Variants in GKAP1 observed in about 807,000 individuals in gnomAD.
GKAP1 encodes the protein G kinase anchoring protein 1, also known as G kinase-anchoring protein 1.
In GKAP1, 31 loss-of-function variants were observed where a neutral mutation model predicts 56.7. The ratio of observed to expected loss-of-function variants is 0.55; its 90% CI spans 0.41 to 0.74. The LOEUF (loss-of-function observed/expected upper bound fraction) is 0.74, where lower values mean the gene tolerates loss of function less well. Ranked by LOEUF, GKAP1 falls within the 30% of genes least tolerant of loss-of-function variation. The probability of loss-of-function intolerance (pLI) is 0.00; values close to 1 mark genes in which losing one functional copy is unlikely to be tolerated. For synonymous variants in GKAP1, 151 were observed against 138.6 expected (o/e 1.09, Z -0.63); for missense variants, 364 against 402.3 (o/e 0.90, Z 0.82).
At chr9:83,752,175 G>A (rs566514274) in intron 9 of GKAP1, among the ~76,000 whole-genome samples, 5 of 152,298 alleles carry the variant, frequency 3.3e-5, no homozygotes, top group Non-Finnish European at 5.9e-5. Flanking sequence ...AGGCCAAGGC[G>A]AGCAGATCAC....
intron 8 of GKAP1, among the ~76,000 whole-genome samples, chr9:83,755,195 T>C (rs1943453712): frequency 6.6e-6 from 1 of 152,192 alleles, no homozygotes; most frequent in Admixed American, 6.5e-5. Flanking sequence ...ATGAAAAGTG[T>C]TCATTGTAGA....
intron 8 of GKAP1, among the ~76,000 whole-genome samples, chr9:83,763,961 T>C (rs1345648914): frequency 1.3e-5 from 2 of 152,170 alleles, no homozygotes; most frequent in East Asian, 3.8e-4. Flanking sequence ...TAAAGTTATA[T>C]ACCCAACTTT....
At chr9:83,774,669 C>T (rs140921561) in intron 7 of GKAP1, among the ~76,000 whole-genome samples, 8 of 140,106 alleles carry the variant, frequency 5.7e-5, no homozygotes, top group Admixed American at 2.2e-4. Context: ...AGCTTCGGCA[C>T]AGCAAAAGAA....
At position 83,748,371 on chromosome 9, in the gene GKAP1, G is replaced by C; in HGVS notation, c.842C>G (p.Ala281Gly). 6.5e-7 allele frequency: 1 copy of C among 1,537,506 alleles called. No homozygotes were observed. Among genetic ancestry groups the C allele is most frequent in the Non-Finnish European group, 8.8e-7 (1 of 1,132,590 alleles). Reference protein sequence around the residue: ...KLKNVITQWEAKYKEVKARNA... With the variant: ...KLKNVITQWEGKYKEVKARNA... ...TCTTGCCTTTACTTCCTTATACTTT[G>C]CCTAATAGTCAAAGAAAAAAGATTT... Residue 281 changes from alanine to glycine, a missense_variant and splice_region_variant, in exon 10 of 13, where the codon GCA becomes GGA. Physicochemically the swap from Ala to Gly is moderately conservative, Grantham distance 60. Coordinates refer to ENST00000376371, the MANE Select transcript of GKAP1 (RefSeq NM_025211.4).
At chr9:83,788,987 G>C (rs1389430018) in intron 4 of GKAP1, 1 of 192,874 alleles carries the variant, frequency 5.2e-6, no homozygotes, top group East Asian at 1.2e-4. Context: ...AGATGTCAAA[G>C]GCAACATTCA....
chr9:83,749,491 G>A (rs1943350952), intron 9 of GKAP1, among the ~76,000 whole-genome samples: 1 of 152,064 alleles, frequency 6.6e-6, no homozygotes, highest in Non-Finnish European at 1.5e-5. Context: ...CCTCCCCAAA[G>A]TGCTGGGATT....
chr9:83,789,675 C>T (rs2131299922), intron 4 of GKAP1, among the ~76,000 whole-genome samples: 1 of 152,264 alleles, frequency 6.6e-6, no homozygotes, highest in South Asian at 2.1e-4. Flanking sequence ...CACACAAACA[C>T]CCAAGCTATC....
At chr9:83,785,839 T>C (rs568180384) in intron 5 of GKAP1, among the ~76,000 whole-genome samples, 5 of 152,198 alleles carry the variant, frequency 3.3e-5, no homozygotes, top group Admixed American at 6.5e-5. Context: ...TTTCTGCCAA[T>C]GGATGTATAA....
At chr9:83,788,106 C>T (rs1474301772) in intron 5 of GKAP1, among the ~76,000 whole-genome samples, 1 of 152,000 alleles carries the variant, frequency 6.6e-6, no homozygotes, top group Non-Finnish European at 1.5e-5. Context: ...GGCGAAATCC[C>T]ATCTCTACTA....
rs183868445 is a variant in GKAP1, at chr9:83,772,248, G to C, written c.586-3278C>G. ...ACAGTATGGTGCTTATGTAAGTATA[G>C]ACATACAGATCAATGGAACAGAATT... is the stretch of plus-strand genomic sequence containing the variant. On this transcript the variant is annotated intron_variant, in intron 7 of 12. Transcript: ENST00000376371. Among the ~76,000 whole-genome samples, 12 of 152,196 alleles carry C rather than the reference G, an allele frequency of 7.9e-5. No individual in the cohort carries two copies. In the East Asian group the frequency reaches 2.1e-3, roughly 27 times the overall value.
chr9:83,801,186 C>G (rs1330306611), intron 3 of GKAP1, among the ~76,000 whole-genome samples: 1 of 152,068 alleles, frequency 6.6e-6, no homozygotes, highest in East Asian at 1.9e-4. Context: ...TGCCACATAA[C>G]AACACAGGCA....
At chr9:83,803,463 C>T (rs1281852757) in intron 3 of GKAP1, among the ~76,000 whole-genome samples, 1 of 152,072 alleles carries the variant, frequency 6.6e-6, no homozygotes, top group Non-Finnish European at 1.5e-5. Flanking sequence ...CTGTGTTGGC[C>T]GGGCTGGTCT....
chr9:83,761,158 A>G (rs1360472242), intron 8 of GKAP1, among the ~76,000 whole-genome samples: 1 of 151,778 alleles, frequency 6.6e-6, no homozygotes, highest in East Asian at 1.9e-4. Context: ...AAAAACATCA[A>G]AAAAAGAAAA....
chr9:83,751,555 T>TA (rs1943389452), intron 9 of GKAP1, among the ~76,000 whole-genome samples: 1 of 152,096 alleles, frequency 6.6e-6, no homozygotes, highest in Non-Finnish European at 1.5e-5. Flanking sequence ...TTAGTAGGGA[T>TA]GATTCTTAAA....
chr9:83,811,597 T>G (rs950819948), intron 2 of GKAP1, among the ~76,000 whole-genome samples: 1 of 152,182 alleles, frequency 6.6e-6, no homozygotes, highest in South Asian at 2.1e-4. Context: ...CTACCTGTGC[T>G]ATGTCACATC....
At chr9:83,741,692 C>T (rs1187760042) in intron 12 of GKAP1, among the ~76,000 whole-genome samples, 1 of 152,028 alleles carries the variant, frequency 6.6e-6, no homozygotes, top group African/African-American at 2.4e-5. Context: ...TGCCTTTCCC[C>T]AATATGATTC....
At chr9:83,802,009 T>C (rs532544468) in intron 3 of GKAP1, among the ~76,000 whole-genome samples, 7 of 152,330 alleles carry the variant, frequency 4.6e-5, no homozygotes, top group South Asian at 4.1e-4. Flanking sequence ...ATTCTTTCAT[T>C]AAATAATAAA....
chr9:83,802,969 C>T (rs1018451030), intron 3 of GKAP1, among the ~76,000 whole-genome samples: 8 of 151,374 alleles, frequency 5.3e-5, no homozygotes, highest in African/African-American at 1.9e-4. Flanking sequence ...ATTAGCCTGG[C>T]GTAGTGGTGT....
intron 4 of GKAP1, among the ~76,000 whole-genome samples, chr9:83,794,164 T>C (rs1018277153): frequency 1.3e-5 from 2 of 151,974 alleles, no homozygotes; most frequent in African/African-American, 2.4e-5. Context: ...TAAGACCCCA[T>C]CTCAAAAAAT....
Sources: gnomAD v4.1 joint callset for allele counts (sites outside exome capture counted in the v4.1 genomes callset) on GRCh38, gnomAD v4.1.1 for gene constraint, MANE v1.5 for transcripts, NCBI Gene and HGNC (gene_info 2026-07-23, HGNC 2026-07-21) for gene names.